MYT1L: variants seen among roughly 807,000 people sequenced by gnomAD.
The protein encoded by MYT1L is myelin transcription factor 1 like, also known as myelin transcription factor 1-like protein.
MYT1L carries 12 observed loss-of-function variants against 126.7 expected under a neutral mutation model. The ratio of observed to expected loss-of-function variants is 0.09; its 90% confidence interval spans 0.06 to 0.15. MYT1L has a LOEUF of 0.15. Among genes scored for constraint, MYT1L ranks in the 10% least tolerant of loss-of-function variants. MYT1L has a pLI of 1.00. For synonymous variants in MYT1L, 541 were observed against 604.2 expected, an observed-to-expected ratio of 0.90 and a Z score of 1.53; for missense variants, 979 against 1,585.2, an observed-to-expected ratio of 0.62 and a Z score of 6.49.
At chr2:1,998,538 C>T (rs151164469) in intron 4 of MYT1L, among the ~76,000 whole-genome samples, 7 of 152,200 alleles carry the variant, frequency 4.6e-5, no homozygotes, top group Admixed American at 4.6e-4. Context: ...TTAATTTTCC[C>T]CAGAGAACAA....
At chr2:2,109,894 T>G (rs1180042918) in intron 3 of MYT1L, among the ~76,000 whole-genome samples, 3 of 108,390 alleles carry the variant, frequency 2.8e-5, no homozygotes, top group African/African-American at 9.6e-5. Flanking sequence ...TATATATATA[T>G]ATATATATAT....
intron 1 of MYT1L, among the ~76,000 whole-genome samples, chr2:2,328,999 A>G (rs534753568): frequency 6.6e-6 from 1 of 152,308 alleles, no homozygotes; most frequent in Non-Finnish European, 1.5e-5. Flanking sequence ...CACATTGCCA[A>G]TAAACTAGGA....
chr2:1,807,785 C>T (rs1353694160), intron 22 of MYT1L, among the ~76,000 whole-genome samples: 1 of 152,162 alleles, frequency 6.6e-6, no homozygotes, highest in Admixed American at 6.5e-5. Flanking sequence ...TCCTGCCACC[C>T]TCTGGTCCCA....
chr2:2,147,103 G>C (rs1473175314), intron 3 of MYT1L, among the ~76,000 whole-genome samples: 1 of 152,208 alleles, frequency 6.6e-6, no homozygotes, highest in Non-Finnish European at 1.5e-5. Flanking sequence ...CCAGCTGCTA[G>C]CAGGCTTGAA....
intron 4 of MYT1L, among the ~76,000 whole-genome samples, chr2:1,997,585 C>T (rs2061979808): frequency 6.6e-6 from 1 of 152,226 alleles, no homozygotes; most frequent in South Asian, 2.1e-4. Flanking sequence ...GGGAGCAAGC[C>T]CCAGCTGGGA....
intron 13 of MYT1L, among the ~76,000 whole-genome samples, chr2:1,909,780 C>T (rs1037801043): frequency 2.0e-5 from 3 of 152,136 alleles, no homozygotes; most frequent in Admixed American, 6.5e-5. Context: ...GGAGCTCTGC[C>T]GGTTTTGCAC....
At chr2:2,016,654 C>T (rs1171105021) in intron 4 of MYT1L, among the ~76,000 whole-genome samples, 1 of 152,096 alleles carries the variant, frequency 6.6e-6, no homozygotes, top group Non-Finnish European at 1.5e-5. Context: ...ACTCCAAAGA[C>T]AATAAAAGAC....
intron 5 of MYT1L, among the ~76,000 whole-genome samples, chr2:1,990,599 C>T (rs775208486): frequency 1.3e-5 from 2 of 152,142 alleles, no homozygotes; most frequent in Non-Finnish European, 2.9e-5. Context: ...TGAGTTCAGG[C>T]AAGTTATCTA....
At chr2:2,294,939 C>A (rs368028617) in intron 1 of MYT1L, among the ~76,000 whole-genome samples, 5 of 152,076 alleles carry the variant, frequency 3.3e-5, no homozygotes, top group African/African-American at 4.8e-5. Flanking sequence ...CAATAACGTG[C>A]AGTTAAAAGT....
chr2:1,964,933 C>T (rs1191308901), intron 8 of MYT1L, among the ~76,000 whole-genome samples: 1 of 152,218 alleles, frequency 6.6e-6, no homozygotes, highest in Non-Finnish European at 1.5e-5. Context: ...GAAATCGCCA[C>T]AAGCAGCACT....
chr2:1,870,918 G>A (rs761552212), intron 18 of MYT1L, among the ~76,000 whole-genome samples: 3 of 152,198 alleles, frequency 2.0e-5, no homozygotes, highest in Non-Finnish European at 2.9e-5. Context: ...CTGCCCACTG[G>A]GCATCTGGAC....
chr2:1,964,740 G>C (rs10199390), intron 8 of MYT1L, among the ~76,000 whole-genome samples: 41,510 of 152,068 alleles, frequency 0.27, 6,410 homozygotes, highest in African/African-American at 0.43. Flanking sequence ...GGTACAAAGA[G>C]TGATCCTCAG....
At chr2:1,866,841 G>A (rs1403480986) in intron 18 of MYT1L, among the ~76,000 whole-genome samples, 2 of 128,884 alleles carry the variant, frequency 1.6e-5, no homozygotes, top group Admixed American at 7.6e-5. Context: ...GAGAGAGAGA[G>A]GCCGTCAGAG....
intron 3 of MYT1L, among the ~76,000 whole-genome samples, chr2:2,097,070 G>A (rs1269562527): frequency 6.6e-6 from 1 of 152,096 alleles, no homozygotes; most frequent in Non-Finnish European, 1.5e-5. Flanking sequence ...CAACCACAGG[G>A]AGCACCATCT....
intron 23 of MYT1L, 117 bp from the exon 24 acceptor site, chr2:1,792,581 G>A (rs1931736658): frequency 8.6e-7 from 1 of 1,163,984 alleles, no homozygotes; most frequent in Non-Finnish European, 1.2e-6. Flanking sequence ...GAAGGAGAAA[G>A]GCTTCGGGCC....
intron 1 of MYT1L, among the ~76,000 whole-genome samples, chr2:2,288,136 C>T (rs2095549892): frequency 6.6e-6 from 1 of 152,118 alleles, no homozygotes; most frequent in Non-Finnish European, 1.5e-5. Context: ...GGACTATGTG[C>T]CAAGTACTGA....
At chr2:1,869,134 A>T (rs895985476) in intron 18 of MYT1L, among the ~76,000 whole-genome samples, 1 of 152,174 alleles carries the variant, frequency 6.6e-6, no homozygotes, top group Non-Finnish European at 1.5e-5. Flanking sequence ...AGAAACCAGA[A>T]TCACGTGTTA....
intron 11 of MYT1L, among the ~76,000 whole-genome samples, chr2:1,916,931 AC>A (rs756681668): frequency 2.0e-5 from 3 of 152,216 alleles, no homozygotes; most frequent in Non-Finnish European, 4.4e-5. Context: ...GCCCAAGGTC[AC>A]AGAGCAGGTC....
At chr2:2,231,832 C>T (rs749539767) in intron 2 of MYT1L, among the ~76,000 whole-genome samples, 2 of 152,150 alleles carry the variant, frequency 1.3e-5, no homozygotes, top group Non-Finnish European at 2.9e-5. Flanking sequence ...CACGATAACT[C>T]CTCCCAGATA....
Sources: gnomAD v4.1 joint callset for allele counts (sites outside exome capture counted in the v4.1 genomes callset) on GRCh38, gnomAD v4.1.1 for gene constraint, MANE v1.5 for transcripts, NCBI Gene and HGNC (gene_info 2026-07-23, HGNC 2026-07-21) for gene names.